Variants in CCND2 observed in about 807,000 individuals in gnomAD.
CCND2 encodes G1/S-specific cyclin-D2.
A neutral mutation model predicts 30.2 loss-of-function variants in CCND2; 6 were observed. The observed-to-expected ratio is 0.20, with a 90% CI of 0.11 to 0.39. CCND2 has a LOEUF of 0.39. Among genes scored for constraint, CCND2 ranks in the 10% least tolerant of loss-of-function variants. The pLI is 1.00. For missense variants in CCND2, 235 were observed against 373.4 expected, an observed-to-expected ratio of 0.63 and a Z score of 3.06; for synonymous variants, 150 against 153.1, an observed-to-expected ratio of 0.98 and a Z score of 0.15.
At chr12:4,284,428 G>A (rs1184289939) in intron 3 of CCND2, among the ~76,000 whole-genome samples, 1 of 152,238 alleles carries the variant, frequency 6.6e-6, no homozygotes. Flanking sequence ...GTTCTCCAGA[G>A]GTCTGCTTTG....
rs1364371851 is a variant in CCND2, at chr12:4,301,467, A to G, written c.*1458A>G. ...ATTCAGTTAGCAAAGAGGTTGGAGC[A>G]ACAACTTTTTTTTTTTTTTTTGCAC... is the stretch of plus-strand genomic sequence containing the variant. On this transcript the variant is annotated 3_prime_UTR_variant, in exon 5 of 5. Coordinates refer to ENST00000261254, the MANE Select transcript of CCND2 (RefSeq NM_001759.4). 1.3e-5 allele frequency: 3 copies of G among 232,456 alleles called. No individual in the cohort carries two copies. Among genetic ancestry groups the G allele is most frequent in the Non-Finnish European group, 2.5e-5 (3 of 117,746 alleles). The allele number at this position is 232,456 out of a possible 1,614,324, so 14.4% of individuals were successfully genotyped here.
rs369839218 is a variant in CCND2 at position 4,296,910 on chromosome 12, C to T, written c.721-2950C>T. The stretch of plus-strand genomic sequence containing the variant: ...CTCAGTGAGTGAGCACAGGGGGTGA[C>T]GGAGGATGGCTGGAATGTGGGGTTG... On this transcript the variant is annotated intron_variant, in intron 4 of 4. Coordinates refer to ENST00000261254, the MANE Select transcript of CCND2 (RefSeq NM_001759.4). Among the ~76,000 whole-genome samples, 16 of 152,280 alleles carry T rather than the reference C, an allele frequency of 1.1e-4. No homozygotes were observed. The East Asian group carries it at 1.5e-3, about 15-fold the overall frequency.
intron 4 of CCND2, among the ~76,000 whole-genome samples, chr12:4,295,879 T>G (rs935726928): frequency 6.6e-6 from 1 of 152,222 alleles, no homozygotes; most frequent in African/African-American, 2.4e-5. Context: ...CTATGAAACC[T>G]TCCTCTGTTT....
At chr12:4,296,365 G>A (rs1186674020) in intron 4 of CCND2, among the ~76,000 whole-genome samples, 1 of 152,254 alleles carries the variant, frequency 6.6e-6, no homozygotes, top group Non-Finnish European at 1.5e-5. Flanking sequence ...TGAGGAGCAA[G>A]GTCTTCCACA....
chr12:4,281,950 A>G (rs1241064099), intron 3 of CCND2, among the ~76,000 whole-genome samples: 1 of 95,524 alleles, frequency 1.0e-5, no homozygotes, highest in Non-Finnish European at 1.9e-5. Flanking sequence ...CAGTGCAGGC[A>G]TGGGTGGGTT....
rs546519233 is a variant in CCND2, at chr12:4,303,068, C to T, written c.*3059C>T. ...TGCAAATTCATTTCATGGTGACTGA[C>T]CCTTGAGCTTAAACAGAAGCAGCAA... On this transcript the variant is annotated 3_prime_UTR_variant, in exon 5 of 5. Coordinates refer to ENST00000261254, the MANE Select transcript of CCND2 (RefSeq NM_001759.4). The surrounding 1 kb of genome is among the most constrained non-coding windows in gnomAD (Gnocchi z 4.6). 4.3e-6 allele frequency: 1 copy of T among 233,306 alleles called. No individual in the cohort carries two copies. Among genetic ancestry groups the T allele is most frequent in the Non-Finnish European group, 8.5e-6 (1 of 118,074 alleles). The allele number at this position is 233,306 out of a possible 1,614,324, so 14.5% of individuals were successfully genotyped here. A position where few individuals can be genotyped will look rare whatever the true frequency, so the allele number is the denominator to read the frequency against.
chr12:4,298,000 A>G lies in CCND2; in HGVS notation c.721-1860A>G, dbSNP rs74612037. 1,578 of 255,484 alleles carry G rather than the reference A, an allele frequency of 6.2e-3. 75 individuals carry two copies. In the East Asian group the frequency reaches 0.11, roughly 18 times the overall value. 15.8% of individuals were successfully genotyped at this position (255,484 alleles called of 1,614,324 possible). A position where few individuals can be genotyped will look rare whatever the true frequency, so the allele number is the denominator to read the frequency against. On this transcript the variant is annotated intron_variant, in intron 4 of 4. Transcript: ENST00000261254. Reference sequence around the variant, plus strand: ...CTTCATTAGTCTTGACTAAATGCGAATCTATACCTCATTTCAAAGAAATCT... The same window carrying G: ...CTTCATTAGTCTTGACTAAATGCGAGTCTATACCTCATTTCAAAGAAATCT...
intron 4 of CCND2, among the ~76,000 whole-genome samples, chr12:4,289,458 C>A (rs1359688455): frequency 6.6e-6 from 1 of 152,156 alleles, no homozygotes; most frequent in Non-Finnish European, 1.5e-5. Context: ...AGAACGGTGT[C>A]CGTCCCTGGC....
chr12:4,275,500 C>G (rs1863858753), intron 1 of CCND2: 1 of 137,150 alleles, frequency 7.3e-6, no homozygotes, highest in Non-Finnish European at 1.6e-5. Flanking sequence ...CTCACCCGCC[C>G]CCCCAAAAGC....
At chr12:4,297,390 G>T (rs890140559) in intron 4 of CCND2, among the ~76,000 whole-genome samples, 2 of 151,940 alleles carry the variant, frequency 1.3e-5, no homozygotes, top group African/African-American at 4.8e-5. Flanking sequence ...GGCCAATCTG[G>T]TGAAATCCCA....
intron 4 of CCND2, among the ~76,000 whole-genome samples, chr12:4,298,381 C>G (rs1255333427): frequency 1.3e-5 from 2 of 152,130 alleles, no homozygotes; most frequent in Non-Finnish European, 2.9e-5. Flanking sequence ...AATTTTGTTC[C>G]TTAGTGGTTA....
rs1565438933 is a variant in CCND2, at chr12:4,299,992, C to CG, written c.856dup (p.Asp286GlyfsTer53). Reference sequence around the variant, plus strand: ...CCAAGCCAGCACCCCTACAGACGTGCGGGATATCGACCTGTGAGGATGCCA... The same window carrying CG: ...CCAAGCCAGCACCCCTACAGACGTGCGGGGATATCGACCTGTGAGGATGCCA... On this transcript the variant is annotated frameshift_variant, in exon 5 of 5. Transcript: ENST00000261254. LOFTEE classifies it high-confidence loss of function. This position sits in a 1 kb window ranked among gnomAD's most constrained non-coding sequence, Gnocchi z 5.2. 1 of 1,613,682 alleles carries CG rather than the reference C, an allele frequency of 6.2e-7. No homozygotes were observed. The highest frequency in any genetic ancestry group is 1.7e-5 in the Admixed American group (1 of 59,976).
intron 4 of CCND2, among the ~76,000 whole-genome samples, chr12:4,297,598 CAGAAA>C (rs1435049954): frequency 1.7e-3 from 196 of 115,510 alleles, no homozygotes; most frequent in African/African-American, 5.5e-3. Context: ...AAAAAAAAAA[CAGAAA>C]AGAAAAGAAA....
Position 4,276,193 on chromosome 12 carries a change from C to G in CCND2, c.384C>G (p.Asp128Glu), listed in dbSNP as rs1483674458. 6.2e-7 allele frequency: 1 copy of G among 1,614,202 alleles called. No individual in the cohort carries two copies. Among genetic ancestry groups the G allele is most frequent in the East Asian group, 2.2e-5 (1 of 44,888 alleles). ...CGGAGAAGCTGTGCATTTACACCGACAACTCCATCAAGCCTCAGGAGCTGC... is the reference window on the plus strand; with the variant it reads ...CGGAGAAGCTGTGCATTTACACCGAGAACTCCATCAAGCCTCAGGAGCTGC... ...LTAEKLCIYT[D>E]NSIKPQELLE... is the part of the protein sequence containing the mutation. Residue 128 changes from aspartate to glutamate, a missense_variant, in exon 2 of 5, where the codon GAC becomes GAG. By Grantham distance (45) the Asp-to-Glu change is conservative. This residue lies in a region of CCND2 where 178 missense variants were observed against 322.8 expected (regional missense o/e 0.55). Coordinates refer to ENST00000261254, the MANE Select transcript of CCND2 (RefSeq NM_001759.4). The surrounding 1 kb of genome is among the most constrained non-coding windows in gnomAD (Gnocchi z 4.8).
intron 3 of CCND2, among the ~76,000 whole-genome samples, chr12:4,283,374 T>A (rs1415431929): frequency 6.6e-6 from 1 of 152,210 alleles, no homozygotes; most frequent in Non-Finnish European, 1.5e-5. Context: ...CGTGAAAGGC[T>A]GCCCTGTCCT....
At chr12:4,279,077 CTT>C (rs1261877126) in intron 3 of CCND2, among the ~76,000 whole-genome samples, 158 bp downstream of exon 3, 6 of 152,136 alleles carry the variant, frequency 3.9e-5, no homozygotes, top group Non-Finnish European at 7.4e-5. Flanking sequence ...TCCTGGGTTG[CTT>C]TTTCTTTATC....
In CCND2 at chr12:4,274,277, C is replaced by A. The variant is rs778984815; in HGVS notation, c.195+42C>A. On this transcript the variant is annotated intron_variant, in intron 1 of 4. Coordinates refer to ENST00000261254, the MANE Select transcript of CCND2 (RefSeq NM_001759.4). The surrounding 1 kb of genome is among the most constrained non-coding windows in gnomAD (Gnocchi z 7.7). ...CGCTCGCCAGGAGCCAGGACCCCTC[C>A]GGATGCTCGGGTCCCCGGCCGGAGC... 2.5e-6 allele frequency: 4 copies of A among 1,595,394 alleles called. No homozygotes were observed.
At chr12:4,277,464 A>G (rs1321898627) in intron 2 of CCND2, among the ~76,000 whole-genome samples, 1 of 152,236 alleles carries the variant, frequency 6.6e-6, no homozygotes, top group Admixed American at 6.5e-5. Context: ...ATTGGGAACC[A>G]ATTTGTTTTT....
rs2120522746 is a variant in CCND2 at position 4,276,077 on chromosome 12, G to A, written c.268G>A (p.Gly90Arg). ...AMNYLDRFLA[G>R]VPTPKSHLQL... The stretch of plus-strand genomic sequence containing the variant: ...GAATTACCTGGACCGTTTCTTGGCT[G>A]GGGTCCCGACTCCGAAGTCCCATCT... Residue 90 changes from glycine (G) to arginine (R), a missense_variant, in exon 2 of 5, where the codon GGG becomes AGG. Coordinates refer to ENST00000261254, the MANE Select transcript of CCND2 (RefSeq NM_001759.4). The surrounding 1 kb of genome is among the most constrained non-coding windows in gnomAD (Gnocchi z 4.8). 6.2e-7 allele frequency: 1 copy of A among 1,613,038 alleles called. No homozygotes were observed. Among genetic ancestry groups the A allele is most frequent in the Non-Finnish European group, 8.5e-7 (1 of 1,179,860 alleles).
Sources: gnomAD v4.1 joint callset for allele counts (sites outside exome capture counted in the v4.1 genomes callset) on GRCh38, gnomAD v4.1.1 for gene constraint, gnomAD v4.1.1 regional missense constraint, Gnocchi (gnomAD v3.1) non-coding constraint, MANE v1.5 for transcripts, NCBI Gene and HGNC (gene_info 2026-07-23, HGNC 2026-07-21) for gene names.